Variants in HMCN2 observed in about 807,000 individuals in gnomAD.
The protein encoded by HMCN2 is hemicentin-2.
Under a neutral mutation model 377.5 loss-of-function variants are expected in HMCN2, and 325 were observed. That is an observed-to-expected ratio of 0.86 (90% CI 0.79 to 0.94). The LOEUF (loss-of-function observed/expected upper bound fraction) is 0.94, where lower values mean the gene tolerates loss of function less well. Among genes scored for constraint, HMCN2 ranks in the 40% least tolerant of loss-of-function variants. The pLI is 0.00. For synonymous variants in HMCN2, 2,007 were observed against 2,046.8 expected, an observed-to-expected ratio of 0.98 and a Z score of 0.53; for missense variants, 4,543 against 4,725.3, an observed-to-expected ratio of 0.96 and a Z score of 1.13.
chr9:130,417,248 A>G (rs536960902), intron 85 of HMCN2, among the ~76,000 whole-genome samples: 1 of 152,180 alleles, frequency 6.6e-6, no homozygotes, highest in South Asian at 2.1e-4. Context: ...GGGGCCGGAC[A>G]TGGTCGCTCA....
intron 34 of HMCN2, among the ~76,000 whole-genome samples, chr9:130,357,058 GAGGATGGATGGA>G (rs148053522): frequency 0.062 from 8,277 of 134,252 alleles, 820 homozygotes; most frequent in African/African-American, 0.21. Context: ...AGATAGAAGG[GAGGATGGATGGA>G]TGGATGGATG....
At position 130,408,728 on chromosome 9, in the gene HMCN2, T is replaced by C. The variant is rs761323316; in HGVS notation, c.12689-15T>C. ...ACCTCTTTTCTGACAACTTGCTCGA[T>C]GTCACCCCATGCAGAGGCTCCTGTC... On this transcript the variant is annotated splice_polypyrimidine_tract_variant and intron_variant, in intron 83 of 97. Transcript: ENST00000683500. 25 of 1,283,638 alleles carry C rather than the reference T, an allele frequency of 1.9e-5. No homozygotes were observed. The South Asian group carries it at 2.4e-4, about 12-fold the overall frequency. The allele number at this position is 1,283,638 out of a possible 1,614,324, so 79.5% of individuals were successfully genotyped here.
chr9:130,266,696 G>A (rs367997718), intron 1 of HMCN2, among the ~76,000 whole-genome samples: 5 of 152,234 alleles, frequency 3.3e-5, no homozygotes, highest in African/African-American at 1.2e-4. Flanking sequence ...TCTTCCCTGG[G>A]GAAAGGGCAG....
In HMCN2 at chr9:130,361,156, C is replaced by G. The variant is rs777856184; in HGVS notation, c.5950+552C>G. Among the ~76,000 whole-genome samples, 1 of 152,158 alleles carries G rather than the reference C, an allele frequency of 6.6e-6. No individual in the cohort carries two copies. Among genetic ancestry groups the G allele is most frequent in the Non-Finnish European group, 1.5e-5 (1 of 68,028 alleles). On this transcript the variant is annotated intron_variant, in intron 38 of 97. Transcript: ENST00000683500. The surrounding 1 kb of genome is among the most constrained non-coding windows in gnomAD (Gnocchi z 4.8). ...CTGGGGCGGAGACTGGACCTAGAGC[C>G]CTAGATAAGACAGACCTAGGAGCTT...
rs59859403 is a variant in HMCN2, at chr9:130,278,010, C to G, written c.260-6593C>G. Among the ~76,000 whole-genome samples the G allele has an allele frequency of 1.0e-3, 48 of 45,896 alleles. 16 individuals carry two copies. Among genetic ancestry groups the G allele is most frequent in the African/African-American group, 8.6e-3 (47 of 5,460 alleles). 30.1% of individuals were successfully genotyped at this position (45,896 alleles called of 152,430 possible). A position where few individuals can be genotyped will look rare whatever the true frequency, so the allele number is the denominator to read the frequency against. On this transcript the variant is annotated intron_variant, in intron 1 of 97. Coordinates refer to ENST00000683500, the MANE Select transcript of HMCN2 (RefSeq NM_001291815.2). ...CCACGATCATCACCACCACCACCAT[C>G]ATCATCACCACCACCACGATCATCA... is the stretch of plus-strand genomic sequence containing the variant.
rs921877771 is a variant in HMCN2 at position 130,414,994 on chromosome 9, G to T, written c.12962-3778G>T. The stretch of plus-strand genomic sequence containing the variant: ...GGCCGAGTGGGGAGCAATAAGCAGT[G>T]CCCCTCTCCCTCCCAGCCAGGATGG... On this transcript the variant is annotated intron_variant, in intron 85 of 97. Transcript: ENST00000683500. The surrounding 1 kb of genome is among the most constrained non-coding windows in gnomAD (Gnocchi z 4.4). 3.3e-5 allele frequency among the ~76,000 whole-genome samples: 5 copies of T among 152,066 alleles called. No homozygotes were observed. The South Asian group carries it at 1.0e-3, about 32-fold the overall frequency.
chr9:130,405,155 G>A (rs1843032001), intron 81 of HMCN2, 96 bp downstream of exon 81: 1 of 837,678 alleles, frequency 1.2e-6, no homozygotes, highest in Non-Finnish European at 1.5e-6. Context: ...TTAACCCTGG[G>A]AGCCTGGGGA....
In HMCN2 at chr9:130,308,599, A is replaced by G. The variant is rs2131359039; in HGVS notation, c.2200+1033A>G. 6.6e-6 allele frequency among the ~76,000 whole-genome samples: 1 copy of G among 152,232 alleles called. No individual in the cohort carries two copies. Among genetic ancestry groups the G allele is most frequent in the Middle Eastern group, 3.4e-3 (1 of 294 alleles). ...GACTCTGAGAAAGGCAGGGCAGGTGATATTAGCTCAGAGTTGAGCGTTTTT... is the reference window on the plus strand; with the variant it reads ...GACTCTGAGAAAGGCAGGGCAGGTGGTATTAGCTCAGAGTTGAGCGTTTTT... On this transcript the variant is annotated intron_variant, in intron 14 of 97. Coordinates refer to ENST00000683500, the MANE Select transcript of HMCN2 (RefSeq NM_001291815.2). The surrounding 1 kb of genome is among the most constrained non-coding windows in gnomAD (Gnocchi z 4.1).
rs1007499755 is a variant in HMCN2 at position 130,286,229 on chromosome 9, T to A, written c.531T>A (p.His177Gln). ...CGGGGGACTGTGGCGACCGCACCCATCCTGGCTACCTGGCTTATGAGGAGA... is the reference window on the plus strand; with the variant it reads ...CGGGGGACTGTGGCGACCGCACCCAACCTGGCTACCTGGCTTATGAGGAGA... The part of the protein sequence containing the change: ...VLTGDCGDRT[H>Q]PGYLAYEEIA... The change falls in exon 4 of 98, where the codon CAT (histidine) becomes CAA (glutamine). Residue 177 changes from histidine to glutamine, a missense_variant. Physicochemically the swap from His to Gln is conservative, Grantham distance 24. Around this residue, in one of 5 missense-constraint regions of HMCN2, gnomAD observed 547 missense variants for 189.9 expected, o/e 2.88. Transcript: ENST00000683500. 6 of 471,062 alleles carry A rather than the reference T, an allele frequency of 1.3e-5. No homozygotes were observed. The Admixed American group carries it at 1.4e-4, about 11-fold the overall frequency. The allele number at this position is 471,062 out of a possible 1,614,324, so 29.2% of individuals were successfully genotyped here.
rs62580984 is a variant in HMCN2, at chr9:130,382,669, C to T, written c.8546-10C>T. On this transcript the variant is annotated splice_polypyrimidine_tract_variant and intron_variant, in intron 55 of 97. Coordinates refer to ENST00000683500, the MANE Select transcript of HMCN2 (RefSeq NM_001291815.2). The stretch of plus-strand genomic sequence containing the variant: ...TGCCAGCCCCTCAGCCCCCTCTCCC[C>T]CACCCCCAGCCCCACCTGTGATCCT... 0.024 allele frequency: 23,459 copies of T among 982,648 alleles called. 348 individuals carry two copies. Among genetic ancestry groups the T allele is most frequent in the Non-Finnish European group, 0.026 (21,835 of 827,300 alleles). The allele number at this position is 982,648 out of a possible 1,614,324, so 60.9% of individuals were successfully genotyped here. A position where few individuals can be genotyped will look rare whatever the true frequency, so the allele number is the denominator to read the frequency against.
chr9:130,336,335 C>T (rs1838745931), intron 22 of HMCN2, among the ~76,000 whole-genome samples: 1 of 152,174 alleles, frequency 6.6e-6, no homozygotes, highest in Non-Finnish European at 1.5e-5. Context: ...TTAAAACATG[C>T]AAAACTTTGT....
At chr9:130,350,112 G>A (rs1409606008) in intron 29 of HMCN2, among the ~76,000 whole-genome samples, 1 of 151,484 alleles carries the variant, frequency 6.6e-6, no homozygotes, top group Non-Finnish European at 1.5e-5. Context: ...GTCCTGCTTT[G>A]TTGCCCAGGC....
rs1588328030 is a variant in HMCN2, at chr9:130,369,788, T to C, written c.7006T>C (p.Tyr2336His). The change falls in exon 45 of 98, where the codon TAC becomes CAC. Residue 2336 changes from tyrosine (Y) to histidine (H), a missense_variant. Coordinates refer to ENST00000683500, the MANE Select transcript of HMCN2 (RefSeq NM_001291815.2). The surrounding 1 kb of genome is among the most constrained non-coding windows in gnomAD (Gnocchi z 4.5). ...GGCCCAGGCTGCCCACACTGGACGC[T>C]ACAGCTGTGTGGCCGAGAACCTGGC... Reference protein sequence around the residue: ...ERAQAAHTGRYSCVAENLAGR... With the variant: ...ERAQAAHTGRHSCVAENLAGR... 4 of 985,884 alleles carry C rather than the reference T, an allele frequency of 4.1e-6. No homozygotes were observed. Among genetic ancestry groups the C allele is most frequent in the African/African-American group, 1.7e-5 (1 of 57,264 alleles). 61.1% of individuals were successfully genotyped at this position (985,884 alleles called of 1,614,324 possible). A position where few individuals can be genotyped will look rare whatever the true frequency, so the allele number is the denominator to read the frequency against.
At chr9:130,278,839 C>T (rs1043299600) in intron 1 of HMCN2, among the ~76,000 whole-genome samples, 7 of 151,662 alleles carry the variant, frequency 4.6e-5, no homozygotes, top group African/African-American at 1.7e-4. Context: ...CCTCGGCTTC[C>T]CAAAGTGCTG....
chr9:130,309,514 C>CA (rs143190808), intron 14 of HMCN2, among the ~76,000 whole-genome samples: 8,265 of 70,580 alleles, frequency 0.12, 377 homozygotes, highest in Middle Eastern at 0.17. Context: ...GACTCTGTCT[C>CA]AAAAAAAAAA....
At position 130,433,801 on chromosome 9, in the gene HMCN2, G is replaced by T. The variant is rs1287038553; in HGVS notation, c.*108G>T. On this transcript the variant is annotated 3_prime_UTR_variant, in exon 98 of 98. Coordinates refer to ENST00000683500, the MANE Select transcript of HMCN2 (RefSeq NM_001291815.2). ...GGCAAGCGGAGCGTCATCGTCTCCC[G>T]CCCCGTGCGTCAGCGAGACCTTGGG... The T allele has an allele frequency of 4.3e-6, 4 of 929,488 alleles. No individual in the cohort carries two copies. Among genetic ancestry groups the T allele is most frequent in the South Asian group, 2.0e-5 (1 of 49,502 alleles). The allele number at this position is 929,488 out of a possible 1,614,324, so 57.6% of individuals were successfully genotyped here.
intron 6 of HMCN2, 92 bp from the exon 7 acceptor site, chr9:130,296,582 A>G (rs1410195165): frequency 7.1e-6 from 3 of 422,172 alleles, no homozygotes; most frequent in Non-Finnish European, 1.5e-5. Context: ...CCAGCTGCTG[A>G]TGCAGGGCTG....
chr9:130,382,282 G>A lies in HMCN2; in HGVS notation c.8530G>A (p.Glu2844Lys), dbSNP rs557186810. ...GGTGGGCGAGGACTGGCTGCACTAC[G>A]AGCTGCTGGTGCTGAGTGAGTGGCG... is the stretch of plus-strand genomic sequence containing the variant. ...NEVGEDWLHY[E>K]LLVLTPPVIL... Residue 2844 changes from glutamate to lysine, a missense_variant, in exon 55 of 98, where the codon GAG (glutamate) becomes AAG (lysine). Coordinates refer to ENST00000683500, the MANE Select transcript of HMCN2 (RefSeq NM_001291815.2). 168 of 985,766 alleles carry A rather than the reference G, an allele frequency of 1.7e-4. No homozygotes were observed. In the African/African-American group the frequency reaches 2.6e-3, roughly 15 times the overall value. The allele number at this position is 985,766 out of a possible 1,614,324, so 61.1% of individuals were successfully genotyped here.
chr9:130,327,819 A>G (rs1423834563), intron 22 of HMCN2, among the ~76,000 whole-genome samples: 1 of 152,158 alleles, frequency 6.6e-6, no homozygotes, highest in Non-Finnish European at 1.5e-5. Flanking sequence ...GCTAGGAAAG[A>G]GCAAAGCCAG....
Sources: allele counts gnomAD v4.1 joint callset (sites outside exome capture counted in the v4.1 genomes callset), GRCh38; gene constraint gnomAD v4.1.1; regional missense constraint gnomAD v4.1.1; non-coding constraint Gnocchi (gnomAD v3.1); transcripts MANE v1.5; gene names NCBI Gene and HGNC (gene_info 2026-07-23, HGNC 2026-07-21).